The following SLCO5A1 variants were observed in gnomAD, a reference collection of about 807,000 sequenced individuals.
SLCO5A1 encodes solute carrier organic anion transporter family member 5A1.
SLCO5A1 carries 39 observed loss-of-function variants against 65.1 expected under a neutral mutation model. That is an observed-to-expected ratio of 0.60 (90% CI 0.46 to 0.78). SLCO5A1 has a LOEUF of 0.78. SLCO5A1 is among the 30% of genes least tolerant of loss of function. The pLI is 0.00. For synonymous variants in SLCO5A1, 438 were observed against 415.7 expected (o/e 1.05, Z -0.65); for missense variants, 1,029 against 1,069.4 (o/e 0.96, Z 0.53).
At chr8:69,817,693 G>A (rs775096402) in intron 2 of SLCO5A1, among the ~76,000 whole-genome samples, 13 of 152,114 alleles carry the variant, frequency 8.5e-5, no homozygotes, top group Non-Finnish European at 1.3e-4. Context: ...AGTACCCCTG[G>A]AGAGAACCTC....
At chr8:69,824,158 C>T (rs1389339451) in intron 2 of SLCO5A1, among the ~76,000 whole-genome samples, 4 of 151,674 alleles carry the variant, frequency 2.6e-5, no homozygotes, top group African/African-American at 7.3e-5. Context: ...GCACTAAATG[C>T]CCACAAGAGA....
chr8:69,751,991 G>A (rs1817325967), intron 4 of SLCO5A1, among the ~76,000 whole-genome samples: 1 of 152,200 alleles, frequency 6.6e-6, no homozygotes, highest in Non-Finnish European at 1.5e-5. Flanking sequence ...AGCACGTTGG[G>A]AGGCTGAGGC....
chr8:69,824,083 A>G lies in SLCO5A1; in HGVS notation c.907+7684T>C, dbSNP rs1215520735. 1.2e-4 allele frequency among the ~76,000 whole-genome samples: 19 copies of G among 152,320 alleles called. No homozygotes were observed. In the East Asian group the frequency reaches 3.7e-3, roughly 29 times the overall value. ...AAGATGTTCTTTGAAACCAACGAGA[A>G]CAAAGACACAACATACCAGAATCTC... is the stretch of plus-strand genomic sequence containing the variant. On this transcript the variant is annotated intron_variant, in intron 2 of 9. Transcript: ENST00000260126.
intron 2 of SLCO5A1, among the ~76,000 whole-genome samples, chr8:69,795,106 T>C (rs758184056): frequency 2.6e-5 from 4 of 152,188 alleles, no homozygotes; most frequent in Non-Finnish European, 5.9e-5. Flanking sequence ...CAATTTGACA[T>C]GAGATTTGGG....
intron 2 of SLCO5A1, among the ~76,000 whole-genome samples, chr8:69,831,192 G>C (rs564957001): frequency 1.6e-3 from 238 of 151,980 alleles, no homozygotes; most frequent in Non-Finnish European, 2.9e-3. Context: ...CCCAGGAGGC[G>C]GAGGTTGCAG....
At chr8:69,794,609 GT>G in intron 2 of SLCO5A1, 1 of 322,332 alleles carries the variant, frequency 3.1e-6, no homozygotes. Flanking sequence ...ATTGTATACA[GT>G]TTTTGCTTTA....
chr8:69,762,440 C>T (rs1817842798), intron 2 of SLCO5A1, among the ~76,000 whole-genome samples: 2 of 152,166 alleles, frequency 1.3e-5, no homozygotes, highest in Admixed American at 6.5e-5. Flanking sequence ...CCTGCCTCGG[C>T]CTCCCAAAGT....
At chr8:69,770,841 C>G (rs896365201) in intron 2 of SLCO5A1, among the ~76,000 whole-genome samples, 3 of 152,154 alleles carry the variant, frequency 2.0e-5, no homozygotes, top group Non-Finnish European at 4.4e-5. Context: ...TTACTCTTCC[C>G]CTTATTCTAT....
intron 2 of SLCO5A1, among the ~76,000 whole-genome samples, chr8:69,788,798 C>A (rs1463581290): frequency 6.6e-6 from 1 of 152,100 alleles, no homozygotes; most frequent in Non-Finnish European, 1.5e-5. Context: ...AATTAAGGAA[C>A]AAGGAAAGCA....
At chr8:69,690,987 A>G (rs909652871) in intron 6 of SLCO5A1, among the ~76,000 whole-genome samples, 3 of 152,250 alleles carry the variant, frequency 2.0e-5, no homozygotes, top group African/African-American at 7.2e-5. Context: ...GTCTTTATAC[A>G]GACATCAGAC....
At chr8:69,709,897 G>C (rs1010279673) in intron 5 of SLCO5A1, among the ~76,000 whole-genome samples, 3 of 152,080 alleles carry the variant, frequency 2.0e-5, no homozygotes, top group African/African-American at 7.2e-5. Context: ...TGCATGCTCC[G>C]GCATGTTCAA....
chr8:69,745,543 C>T (rs922615729), intron 4 of SLCO5A1, among the ~76,000 whole-genome samples: 9 of 151,974 alleles, frequency 5.9e-5, no homozygotes, highest in Non-Finnish European at 8.8e-5. Context: ...ACATTTCTAC[C>T]CAGGTATAAA....
In SLCO5A1 at chr8:69,679,503, G is replaced by T; in HGVS notation, c.1899C>A (p.Asn633Lys). 6.2e-7 allele frequency: 1 copy of T among 1,614,196 alleles called. No homozygotes were observed. Among genetic ancestry groups the T allele is most frequent in the Non-Finnish European group, 8.5e-7 (1 of 1,180,036 alleles). ...VVIVKTYLNENGYAVSGKCKR... is the reference protein window; with the variant it reads ...VVIVKTYLNEKGYAVSGKCKR... ...TACATTTCCCAGACACAGCATAGCC[G>T]TTCTCATTGAGATAAGTCTTGACAA... Residue 633 changes from asparagine to lysine, a missense_variant, in exon 8 of 10, where the codon AAC (asparagine) becomes AAA (lysine). Asn to Lys is a moderately conservative substitution (Grantham distance 94). Transcript: ENST00000260126.
chr8:69,741,997 T>C (rs780278655), intron 4 of SLCO5A1, among the ~76,000 whole-genome samples: 31 of 152,316 alleles, frequency 2.0e-4, no homozygotes, highest in African/African-American at 2.9e-4. Flanking sequence ...GTTTAGATGA[T>C]AGCACCAGAT....
Position 69,832,306 on chromosome 8 carries a change from A to G in SLCO5A1, c.368T>C (p.Val123Ala). The change falls in exon 2 of 10, where the codon GTC (valine) becomes GCC (alanine). Residue 123 changes from valine to alanine, a missense_variant. Physicochemically the swap from Val to Ala is moderately conservative, Grantham distance 64. Transcript: ENST00000260126. This position sits in a 1 kb window ranked among gnomAD's most constrained non-coding sequence, Gnocchi z 4.5. ...CAGGAAGCAACGGGAATCCGTGAGG[A>G]CCACGTAGAGGCACCTTCTCTCCTG... is the stretch of plus-strand genomic sequence containing the variant. ...MLQERRCLYV[V>A]LTDSRCFLVC... 1 of 1,614,178 alleles carries G rather than the reference A, an allele frequency of 6.2e-7. No homozygotes were observed. Among genetic ancestry groups the G allele is most frequent in the Non-Finnish European group, 8.5e-7 (1 of 1,180,030 alleles).
chr8:69,679,515 A>G lies in SLCO5A1; in HGVS notation c.1887T>C (p.Tyr629=), dbSNP rs373558871. The change falls in exon 8 of 10, where the codon TAT becomes TAC. Residue 629 remains tyrosine (Y), a synonymous_variant. Coordinates refer to ENST00000260126, the MANE Select transcript of SLCO5A1 (RefSeq NM_030958.3). ...ACACAGCATAGCCGTTCTCATTGAG[A>G]TAAGTCTTGACAATAACCACACGGA... ...SQLRVVIVKT[Y]LNENGYAVSG... 8.7e-6 allele frequency: 14 copies of G among 1,614,118 alleles called. No homozygotes were observed. Among genetic ancestry groups the G allele is most frequent in the South Asian group, 4.4e-5 (4 of 91,088 alleles).
chr8:69,764,484 T>A (rs895908208), intron 2 of SLCO5A1, among the ~76,000 whole-genome samples: 1 of 152,152 alleles, frequency 6.6e-6, no homozygotes, highest in African/African-American at 2.4e-5. Context: ...TTTTATAGAA[T>A]CATCTGCTTG....
intron 5 of SLCO5A1, among the ~76,000 whole-genome samples, chr8:69,718,455 C>A (rs1162023124): frequency 6.6e-6 from 1 of 152,200 alleles, no homozygotes; most frequent in East Asian, 1.9e-4. Context: ...AGCAGACATC[C>A]TTTCCTTGTT....
At chr8:69,688,384 G>A (rs1233162386) in intron 6 of SLCO5A1, among the ~76,000 whole-genome samples, 3 of 151,792 alleles carry the variant, frequency 2.0e-5, no homozygotes, top group African/African-American at 7.3e-5. Flanking sequence ...TGTGCACAAT[G>A]TGCAGGTTAG....
Sources: gnomAD v4.1 joint callset for allele counts (sites outside exome capture counted in the v4.1 genomes callset) on GRCh38, gnomAD v4.1.1 for gene constraint, Gnocchi (gnomAD v3.1) non-coding constraint, MANE v1.5 for transcripts, NCBI Gene and HGNC (gene_info 2026-07-23, HGNC 2026-07-21) for gene names.